Variants in IQCM observed in about 807,000 individuals in gnomAD.
IQCM encodes the protein IQ motif containing M, also known as IQ domain-containing protein M.
A neutral mutation model predicts 57.6 loss-of-function variants in IQCM; 45 were observed. The observed-to-expected ratio is 0.78, with a 90% CI of 0.62 to 1.00. The LOEUF is 1.00. Among genes scored for constraint, IQCM ranks in the 50% least tolerant of loss-of-function variants. The pLI, the probability that IQCM is intolerant of heterozygous loss-of-function variation, is 0.00. For missense variants in IQCM, 468 were observed against 511.6 expected (o/e 0.91, Z 0.82); for synonymous variants, 148 against 158.9 (o/e 0.93, Z 0.51).
At chr4:149,621,295 C>T in intron 7 of IQCM, 51 bp from the exon 8 acceptor site, 3 of 809,054 alleles carry the variant, frequency 3.7e-6, no homozygotes, top group Non-Finnish European at 5.0e-6. Flanking sequence ...AGGAAAAGTA[C>T]ACACTGATTA....
intron 5 of IQCM, among the ~76,000 whole-genome samples, chr4:149,702,651 G>C (rs1763860290): frequency 6.6e-6 from 1 of 151,870 alleles, no homozygotes; most frequent in South Asian, 2.1e-4. Flanking sequence ...AGCAAAAAGA[G>C]AAATAAGAAA....
chr4:149,753,972 GA>G (rs202198927), intron 2 of IQCM, among the ~76,000 whole-genome samples: 3 of 150,612 alleles, frequency 2.0e-5, no homozygotes, highest in African/African-American at 7.3e-5. Flanking sequence ...CAGAAATGAA[GA>G]AAAAAAAAGA....
intron 12 of IQCM, among the ~76,000 whole-genome samples, chr4:149,495,549 C>T (rs1742566109): frequency 6.6e-6 from 1 of 152,108 alleles, no homozygotes; most frequent in Non-Finnish European, 1.5e-5. Context: ...CACATGCACA[C>T]ATATACACAC....
At chr4:149,676,637 A>G (rs754685722) in intron 7 of IQCM, among the ~76,000 whole-genome samples, 12 of 152,092 alleles carry the variant, frequency 7.9e-5, no homozygotes, top group Non-Finnish European at 1.5e-4. Context: ...TTCTAACCTA[A>G]TTAGAGTAAC....
intron 7 of IQCM, among the ~76,000 whole-genome samples, chr4:149,625,652 G>A (rs1303310905): frequency 6.6e-6 from 1 of 152,168 alleles, no homozygotes. Context: ...TGTCACAAGA[G>A]AGTCTTCAGG....
At chr4:149,373,273 A>G (rs1730485116) in intron 13 of IQCM, among the ~76,000 whole-genome samples, 1 of 152,164 alleles carries the variant, frequency 6.6e-6, no homozygotes, top group African/African-American at 2.4e-5. Flanking sequence ...AGAAATTACA[A>G]GTAAATTTCT....
At chr4:149,665,877 C>T (rs72726178) in intron 7 of IQCM, among the ~76,000 whole-genome samples, 31,780 of 151,934 alleles carry the variant, frequency 0.21, 4,134 homozygotes, top group Non-Finnish European at 0.28. Context: ...CCGGCCACCA[C>T]ATTTCTCCCA....
rs547308169 is a variant in IQCM at position 149,401,060 on chromosome 4, C to T, written c.1390+32336G>A. Among the ~76,000 whole-genome samples, 83 of 151,640 alleles carry T rather than the reference C, an allele frequency of 5.5e-4. 1 individual carries two copies. In the South Asian group the frequency reaches 0.015, roughly 28 times the overall value. The stretch of plus-strand genomic sequence containing the variant: ...AATACATTCACAATAAATAATTTAA[C>T]GCATATCTCTTTAGATCTTTCTAGC... On this transcript the variant is annotated intron_variant, in intron 13 of 13. Transcript: ENST00000636793.
chr4:149,659,954 T>A (rs1579891568), intron 7 of IQCM, among the ~76,000 whole-genome samples: 2 of 151,530 alleles, frequency 1.3e-5, no homozygotes, highest in East Asian at 1.9e-4. Context: ...CCAAAAGCAA[T>A]GGCAACAAAA....
chr4:149,520,980 A>T (rs904449954), intron 12 of IQCM, among the ~76,000 whole-genome samples: 1 of 152,116 alleles, frequency 6.6e-6, no homozygotes, highest in Admixed American at 6.6e-5. Flanking sequence ...GCAGGATCCC[A>T]AACTACCCTG....
intron 8 of IQCM, among the ~76,000 whole-genome samples, chr4:149,602,227 C>CA (rs1184563799): frequency 1.3e-5 from 2 of 151,828 alleles, no homozygotes; most frequent in East Asian, 3.9e-4. Context: ...ACAGATTATA[C>CA]AAAAAATAGT....
chr4:149,723,918 C>CT (rs34950462), intron 5 of IQCM, among the ~76,000 whole-genome samples: 44,903 of 147,460 alleles, frequency 0.3, 7,133 homozygotes, highest in East Asian at 0.51. Context: ...TGGGCCTGTG[C>CT]TTTTTTTTTT....
At chr4:149,711,966 GT>G (rs1373674200) in intron 5 of IQCM, among the ~76,000 whole-genome samples, 1 of 152,124 alleles carries the variant, frequency 6.6e-6, no homozygotes, top group East Asian at 1.9e-4. Context: ...TTCTGGAATA[GT>G]TTAAAATATA....
chr4:149,395,030 T>C (rs1363018925), intron 13 of IQCM, among the ~76,000 whole-genome samples: 3 of 151,920 alleles, frequency 2.0e-5, no homozygotes, highest in East Asian at 1.9e-4. Flanking sequence ...CTCCACCAAA[T>C]AAAACCTAGC....
intron 5 of IQCM, among the ~76,000 whole-genome samples, chr4:149,713,361 T>C (rs931089868): frequency 4.6e-5 from 7 of 152,216 alleles, no homozygotes; most frequent in African/African-American, 1.2e-4. Flanking sequence ...TATTTTGTCA[T>C]CTTGTTTGAG....
intron 2 of IQCM, among the ~76,000 whole-genome samples, chr4:149,765,676 A>AT (rs1300919038): frequency 2.0e-5 from 3 of 152,084 alleles, no homozygotes; most frequent in African/African-American, 7.2e-5. Context: ...ATAACCAGTT[A>AT]TTTTATCCTA....
intron 9 of IQCM, among the ~76,000 whole-genome samples, chr4:149,574,744 G>C (rs1349195203): frequency 6.6e-6 from 1 of 151,880 alleles, no homozygotes; most frequent in Non-Finnish European, 1.5e-5. Flanking sequence ...TTCAGATATT[G>C]CTACTAATTA....
intron 12 of IQCM, among the ~76,000 whole-genome samples, chr4:149,482,186 T>C (rs1740979078): frequency 3.9e-5 from 6 of 152,008 alleles, no homozygotes; most frequent in Admixed American, 3.9e-4. Context: ...TGGTGAAGTC[T>C]GTAGGCTTTT....
intron 5 of IQCM, among the ~76,000 whole-genome samples, chr4:149,707,852 A>T (rs1052618820): frequency 1.3e-5 from 2 of 152,072 alleles, no homozygotes; most frequent in Non-Finnish European, 2.9e-5. Flanking sequence ...GGAGAGGCTT[A>T]GTAAATGTAT....
Sources: gnomAD v4.1 joint callset for allele counts (sites outside exome capture counted in the v4.1 genomes callset) on GRCh38, gnomAD v4.1.1 for gene constraint, MANE v1.5 for transcripts, NCBI Gene and HGNC (gene_info 2026-07-23, HGNC 2026-07-21) for gene names.